Variants in PLEKHM3 observed in about 807,000 individuals in gnomAD.
PLEKHM3 encodes the protein pleckstrin homology domain-containing family M member 3.
In PLEKHM3, 45 loss-of-function variants were observed where a neutral mutation model predicts 81.8. The ratio of observed to expected loss-of-function variants is 0.55; its 90% CI spans 0.43 to 0.71. The LOEUF (loss-of-function observed/expected upper bound fraction) is 0.71. PLEKHM3 is among the 30% of genes least tolerant of loss of function. PLEKHM3 has a pLI of 0.00. For missense variants in PLEKHM3, 788 were observed against 924.3 expected, an observed-to-expected ratio of 0.85 and a Z score of 1.91; for synonymous variants, 352 against 356.4, an observed-to-expected ratio of 0.99 and a Z score of 0.14.
chr2:207,870,546 GA>G (rs1302543211), intron 6 of PLEKHM3, among the ~76,000 whole-genome samples: 2 of 152,240 alleles, frequency 1.3e-5, no homozygotes, highest in Non-Finnish European at 2.9e-5. Context: ...CACACATTGT[GA>G]AATAATTTCC....
intron 3 of PLEKHM3, among the ~76,000 whole-genome samples, chr2:207,974,319 C>T (rs1483808324): frequency 6.6e-6 from 1 of 152,220 alleles, no homozygotes; most frequent in African/African-American, 2.4e-5. Flanking sequence ...ATGGCACCTT[C>T]TTACCTACAT....
chr2:207,908,490 G>C (rs770495124), intron 6 of PLEKHM3, 24 bp downstream of exon 6: 1 of 1,597,836 alleles, frequency 6.3e-7, no homozygotes, highest in Admixed American at 1.7e-5. Context: ...CAACAAAAAT[G>C]AAACAGCCCC....
At chr2:207,855,073 A>G (rs1041763422) in intron 7 of PLEKHM3, among the ~76,000 whole-genome samples, 1 of 152,314 alleles carries the variant, frequency 6.6e-6, no homozygotes, top group East Asian at 1.9e-4. Context: ...CAGTGCCTAG[A>G]TCTCAGTTTC....
rs778559068 is a variant in PLEKHM3 at position 207,930,989 on chromosome 2, A to AGCCGCT, written c.1817_1822dup (p.Gln606_Arg607dup). 7 of 1,613,730 alleles carry AGCCGCT rather than the reference A, an allele frequency of 4.3e-6. No homozygotes were observed. The highest frequency in any genetic ancestry group is 2.2e-5 in the South Asian group (2 of 91,060). ...GAACAAATAGGCTCGGAGCGACTTC[A>AGCCGCT]GCCGCTGCCGCAGCCGCAGCACGGC... On this transcript the variant is annotated inframe_insertion, in exon 5 of 8. Transcript: ENST00000427836.
intron 6 of PLEKHM3, chr2:207,900,559 T>C (rs1323226069): frequency 6.6e-6 from 1 of 152,202 alleles, no homozygotes; most frequent in Non-Finnish European, 1.5e-5. Flanking sequence ...AAATACAATC[T>C]GCCACACACT....
intron 7 of PLEKHM3, among the ~76,000 whole-genome samples, chr2:207,833,418 A>G (rs954003302): frequency 2.0e-5 from 3 of 151,984 alleles, no homozygotes; most frequent in African/African-American, 7.2e-5. Context: ...AACAAAGACT[A>G]ACGTCCTCCC....
At chr2:207,993,203 TGGGCTG>T (rs966061419) in intron 2 of PLEKHM3, among the ~76,000 whole-genome samples, 1 of 152,200 alleles carries the variant, frequency 6.6e-6, no homozygotes, top group Non-Finnish European at 1.5e-5. Context: ...AATCAGAATG[TGGGCTG>T]TCAATGAGGC....
At chr2:207,958,557 G>C (rs1690599010) in intron 3 of PLEKHM3, among the ~76,000 whole-genome samples, 1 of 152,178 alleles carries the variant, frequency 6.6e-6, no homozygotes, top group African/African-American at 2.4e-5. Flanking sequence ...CTTGAAACAA[G>C]ACAAATGCTG....
chr2:207,910,217 C>A (rs2718649), intron 5 of PLEKHM3, among the ~76,000 whole-genome samples: 76,563 of 151,962 alleles, frequency 0.5, 20,636 homozygotes, highest in Middle Eastern at 0.66. Context: ...TCCAGCACAG[C>A]TGGGCAGGGC....
chr2:207,884,393 A>G (rs1687819481), intron 6 of PLEKHM3, among the ~76,000 whole-genome samples: 1 of 152,260 alleles, frequency 6.6e-6, no homozygotes, highest in Non-Finnish European at 1.5e-5. Context: ...AGGAAGAAGT[A>G]AAACTATCTC....
intron 3 of PLEKHM3, among the ~76,000 whole-genome samples, chr2:207,953,698 T>G (rs1232743491): frequency 2.0e-5 from 3 of 151,908 alleles, no homozygotes; most frequent in African/African-American, 7.3e-5. Context: ...TAATCCCAGC[T>G]ACATGCCTGT....
chr2:207,930,809 C>T (rs1020328025), intron 5 of PLEKHM3, 117 bp downstream of exon 5: 6 of 1,172,296 alleles, frequency 5.1e-6, no homozygotes, highest in Admixed American at 4.7e-5. Context: ...AGGCGGAGGG[C>T]GAGCCACAAA....
At chr2:208,012,186 T>C (rs1692724318) in intron 1 of PLEKHM3, among the ~76,000 whole-genome samples, 2 of 151,964 alleles carry the variant, frequency 1.3e-5, no homozygotes, top group East Asian at 1.9e-4. Flanking sequence ...GGACTACAGG[T>C]GCCCGCCACC....
intron 5 of PLEKHM3, among the ~76,000 whole-genome samples, chr2:207,924,522 A>G (rs568034091): frequency 6.6e-6 from 1 of 152,132 alleles, no homozygotes; most frequent in South Asian, 2.1e-4. Context: ...TGTCTCTACT[A>G]AAAATACAAA....
intron 7 of PLEKHM3, among the ~76,000 whole-genome samples, chr2:207,836,985 C>T (rs748757672): frequency 1.3e-5 from 2 of 151,926 alleles, no homozygotes; most frequent in African/African-American, 2.4e-5. Context: ...CATGTGAGTG[C>T]GGCTTTGCGT....
intron 6 of PLEKHM3, among the ~76,000 whole-genome samples, chr2:207,874,474 T>C (rs1190585874): frequency 6.6e-6 from 1 of 151,988 alleles, no homozygotes; most frequent in Non-Finnish European, 1.5e-5. Context: ...CTTGGGAGGC[T>C]GAGGCAGGAG....
chr2:207,990,290 C>G lies in PLEKHM3; in HGVS notation c.610+10740G>C, dbSNP rs549725076. ...GAAGGTCCTCCAAAGTCTCAGCTCA[C>G]TACTCCAAAATGTACCCCTGTTCTA... On this transcript the variant is annotated intron_variant, in intron 2 of 7. Transcript: ENST00000427836. Among the ~76,000 whole-genome samples the G allele has an allele frequency of 6.9e-4, 105 of 152,248 alleles. 1 individual carries two copies. The highest frequency in any genetic ancestry group is 2.3e-3 in the African/African-American group (95 of 41,544).
chr2:207,969,545 CAAT>C (rs1285450296), intron 3 of PLEKHM3, among the ~76,000 whole-genome samples: 1 of 152,162 alleles, frequency 6.6e-6, no homozygotes, highest in Non-Finnish European at 1.5e-5. Context: ...TTAGCAAGGT[CAAT>C]AATGTTTGTT....
chr2:207,923,855 GCACA>G (rs1157865708), intron 5 of PLEKHM3, among the ~76,000 whole-genome samples: 514 of 18,898 alleles, frequency 0.027, 18 homozygotes, highest in Admixed American at 0.098. Context: ...ACACACGCAC[GCACA>G]CACACACACA....
Sources: gnomAD v4.1 joint callset for allele counts (sites outside exome capture counted in the v4.1 genomes callset) on GRCh38, gnomAD v4.1.1 for gene constraint, MANE v1.5 for transcripts, NCBI Gene and HGNC (gene_info 2026-07-23, HGNC 2026-07-21) for gene names.